The following ZNF609 variants were observed in gnomAD, a reference collection of about 807,000 sequenced individuals.
The protein encoded by ZNF609 is zinc finger protein 609.
ZNF609 carries 11 observed loss-of-function variants against 109.5 expected under a neutral mutation model. The ratio of observed to expected loss-of-function variants is 0.10; its 90% CI spans 0.06 to 0.17. ZNF609 has a LOEUF of 0.17. Ranked by LOEUF, ZNF609 falls within the 10% of genes least tolerant of loss-of-function variation. The pLI, the probability that ZNF609 is intolerant of heterozygous loss-of-function variation, is 1.00. For synonymous variants in ZNF609, 646 were observed against 662.0 expected, an observed-to-expected ratio of 0.98 and a Z score of 0.37; for missense variants, 1,559 against 1,772.4, an observed-to-expected ratio of 0.88 and a Z score of 2.16.
Position 64,675,624 on chromosome 15 carries a change from C to T in ZNF609, c.2770C>T (p.Leu924=). The T allele has an allele frequency of 4.3e-6, 7 of 1,613,952 alleles. No individual in the cohort carries two copies. Among genetic ancestry groups the T allele is most frequent in the Middle Eastern group, 1.6e-4 (1 of 6,062 alleles). The change falls in exon 5 of 10, where the codon CTG becomes TTG. Residue 924 remains leucine, a synonymous_variant. Transcript: ENST00000326648. The part of the protein sequence containing the change: ...SSQAGVESQA[L]KTKRDEEPES... ...CCAGGCAGGAGTGGAGAGCCAGGCC[C>T]TGAAGACAAAAAGGGATGAGGAACC...
At chr15:64,624,480 C>T (rs1567032346) in intron 3 of ZNF609, among the ~76,000 whole-genome samples, 2 of 151,902 alleles carry the variant, frequency 1.3e-5, no homozygotes, top group Non-Finnish European at 2.9e-5. Flanking sequence ...TAGAATAAAT[C>T]GATTTCCTGC....
At chr15:64,614,235 T>A (rs1197859868) in intron 2 of ZNF609, among the ~76,000 whole-genome samples, 1 of 138,812 alleles carries the variant, frequency 7.2e-6, no homozygotes, top group Non-Finnish European at 1.6e-5. Flanking sequence ...TCTGTATTTC[T>A]TTTTTTTTTT....
rs117558120 is a variant in ZNF609 at position 64,659,288 on chromosome 15, G to A, written c.974-11058G>A. Among the ~76,000 whole-genome samples, 7 of 152,278 alleles carry A rather than the reference G, an allele frequency of 4.6e-5. No homozygotes were observed. The East Asian group carries it at 5.8e-4, about 13-fold the overall frequency. ...CAAAACTCGCTGGCAAACTGTGGTC[G>A]TAGGGAGTTACCAAAAATAGTTTCT... is the stretch of plus-strand genomic sequence containing the variant. On this transcript the variant is annotated intron_variant, in intron 3 of 9. Transcript: ENST00000326648.
chr15:64,650,417 C>CAAAA (rs34102315), intron 3 of ZNF609, among the ~76,000 whole-genome samples: 2 of 124,212 alleles, frequency 1.6e-5, no homozygotes, highest in East Asian at 2.2e-4. Flanking sequence ...GCTCCATCTC[C>CAAAA]AAAAAAAAAA....
intron 2 of ZNF609, among the ~76,000 whole-genome samples, chr15:64,589,132 T>A (rs1028764089): frequency 7.9e-5 from 12 of 152,290 alleles, no homozygotes; most frequent in African/African-American, 2.6e-4. Context: ...GTACAGGAAT[T>A]GTGGAGGATG....
At chr15:64,477,379 A>G (rs1384520720) in intron 1 of ZNF609, among the ~76,000 whole-genome samples, 7 of 151,580 alleles carry the variant, frequency 4.6e-5, no homozygotes, top group Admixed American at 4.6e-4. Flanking sequence ...TGACCTCGTG[A>G]TCCGCCGGCC....
intron 3 of ZNF609, among the ~76,000 whole-genome samples, chr15:64,650,027 C>T (rs888056313): frequency 4.0e-5 from 6 of 151,580 alleles, no homozygotes; most frequent in African/African-American, 1.5e-4. Flanking sequence ...GCCAGTAAGT[C>T]CCAACTACTT....
chr15:64,571,712 C>T (rs1207640751), intron 2 of ZNF609, among the ~76,000 whole-genome samples: 1 of 152,096 alleles, frequency 6.6e-6, no homozygotes, highest in African/African-American at 2.4e-5. Context: ...CAGGATCGCC[C>T]AGGCTGGAGG....
chr15:64,501,865 T>A (rs1232875275), intron 2 of ZNF609: 1 of 152,220 alleles, frequency 6.6e-6, no homozygotes, highest in Admixed American at 6.5e-5. Flanking sequence ...TAAGTGTAAA[T>A]GTCCATGATT....
intron 2 of ZNF609, among the ~76,000 whole-genome samples, chr15:64,621,249 C>T (rs987538461): frequency 2.0e-5 from 3 of 152,112 alleles, no homozygotes; most frequent in Admixed American, 1.3e-4. Flanking sequence ...ACGTTATGCT[C>T]ATTCAGGATT....
chr15:64,483,072 T>C (rs1366526873), intron 1 of ZNF609, among the ~76,000 whole-genome samples: 1 of 152,072 alleles, frequency 6.6e-6, no homozygotes, highest in Non-Finnish European at 1.5e-5. Flanking sequence ...TTGATTACAG[T>C]GTGCTGTTTC....
At chr15:64,594,459 A>G (rs1293051093) in intron 2 of ZNF609, among the ~76,000 whole-genome samples, 1 of 151,454 alleles carries the variant, frequency 6.6e-6, no homozygotes, top group East Asian at 2.0e-4. Flanking sequence ...CAGCCACCTC[A>G]GTAGCTGGGA....
At position 64,585,984 on chromosome 15, in the gene ZNF609, C is replaced by T. The variant is rs994072480; in HGVS notation, c.748-36843C>T. ...CCTCAGCCTCCCGAGTAGCAGGGACCACAGACATGTGACACCATACCTGGC... is the reference window on the plus strand; with the variant it reads ...CCTCAGCCTCCCGAGTAGCAGGGACTACAGACATGTGACACCATACCTGGC... On this transcript the variant is annotated intron_variant, in intron 2 of 9. Coordinates refer to ENST00000326648, the MANE Select transcript of ZNF609 (RefSeq NM_015042.2). Among the ~76,000 whole-genome samples the T allele has an allele frequency of 2.6e-5, 4 of 151,966 alleles. No individual in the cohort carries two copies. The South Asian group carries it at 8.3e-4, about 32-fold the overall frequency.
intron 1 of ZNF609, among the ~76,000 whole-genome samples, chr15:64,468,298 T>G (rs1893043665): frequency 6.6e-6 from 1 of 151,362 alleles, no homozygotes; most frequent in Non-Finnish European, 1.5e-5. Context: ...TTCCTTCATT[T>G]TCTCCTCTCT....
chr15:64,578,201 A>G (rs527501430), intron 2 of ZNF609, among the ~76,000 whole-genome samples: 14 of 150,668 alleles, frequency 9.3e-5, no homozygotes, highest in South Asian at 4.2e-4. Flanking sequence ...CTGGAGTGCA[A>G]TGGCATGATC....
chr15:64,616,866 T>C (rs903755969), intron 2 of ZNF609, among the ~76,000 whole-genome samples: 1 of 116,152 alleles, frequency 8.6e-6, no homozygotes, highest in Non-Finnish European at 1.7e-5. Flanking sequence ...TGGAGTACAA[T>C]TGTGCAATCT....
At position 64,674,013 on chromosome 15, in the gene ZNF609, G is replaced by C. The variant is rs756847046; in HGVS notation, c.1159G>C (p.Ala387Pro). The C allele has an allele frequency of 1.2e-6, 2 of 1,614,174 alleles. No homozygotes were observed. The highest frequency in any genetic ancestry group is 1.7e-6 in the Non-Finnish European group (2 of 1,180,044). The change falls in exon 5 of 10, where the codon GCC (alanine) becomes CCC (proline). Residue 387 changes from alanine to proline, a missense_variant. Physicochemically the swap from Ala to Pro is conservative, Grantham distance 27. Coordinates refer to ENST00000326648, the MANE Select transcript of ZNF609 (RefSeq NM_015042.2). The stretch of plus-strand genomic sequence containing the variant: ...CAGTAATACACCTGTCAATGAGACA[G>C]CCACAGCCTCTGACAGCAAAGGGAC... ...PNSNTPVNET[A>P]TASDSKGTSN...
chr15:64,538,035 G>A (rs915604186), intron 2 of ZNF609, among the ~76,000 whole-genome samples: 1 of 152,092 alleles, frequency 6.6e-6, no homozygotes, highest in African/African-American at 2.4e-5. Flanking sequence ...GAACCTGGGA[G>A]GCGGAAGTTG....
At chr15:64,594,527 C>T (rs539278890) in intron 2 of ZNF609, among the ~76,000 whole-genome samples, 16 of 151,422 alleles carry the variant, frequency 1.1e-4, no homozygotes, top group South Asian at 4.2e-4. Flanking sequence ...TGGTAAAGAC[C>T]GGGTTTCACC....
Sources: gnomAD v4.1 joint callset for allele counts (sites outside exome capture counted in the v4.1 genomes callset) on GRCh38, gnomAD v4.1.1 for gene constraint, MANE v1.5 for transcripts, NCBI Gene and HGNC (gene_info 2026-07-23, HGNC 2026-07-21) for gene names.